MECR: variants seen among roughly 807,000 people sequenced by gnomAD.
MECR encodes the protein enoyl-[acyl-carrier-protein] reductase, mitochondrial.
A neutral mutation model predicts 49.1 loss-of-function variants in MECR; 37 were observed. The observed-to-expected ratio is 0.75, with a 90% CI of 0.58 to 0.99. The LOEUF (loss-of-function observed/expected upper bound fraction) is 0.99, where lower values mean the gene tolerates loss of function less well. MECR is among the 50% of genes least tolerant of loss of function. The probability of loss-of-function intolerance (pLI) is 0.00; values close to 1 mark genes in which losing one functional copy is unlikely to be tolerated. For synonymous variants in MECR, 198 were observed against 191.1 expected (o/e 1.04, Z -0.30); for missense variants, 470 against 479.6 (o/e 0.98, Z 0.19).
chr1:29,203,810 C>T (rs1233290666), intron 4 of MECR, among the ~76,000 whole-genome samples: 2 of 152,168 alleles, frequency 1.3e-5, no homozygotes, highest in Non-Finnish European at 2.9e-5. Context: ...AGGGTCATGC[C>T]CTATTCCTCT....
At chr1:29,202,150 G>A in intron 5 of MECR, 105 bp from the exon 6 acceptor site, 1 of 973,372 alleles carries the variant, frequency 1.0e-6, no homozygotes, top group East Asian at 2.4e-5. Flanking sequence ...TCTTTTTGCA[G>A]GAAGCTGGGA....
intron 1 of MECR, among the ~76,000 whole-genome samples, chr1:29,217,056 C>T (rs111748092): frequency 4.8e-5 from 6 of 124,360 alleles, no homozygotes; most frequent in African/African-American, 1.5e-4. Flanking sequence ...ATTGCTTCAA[C>T]GTGGGAGGCA....
chr1:29,209,302 T>C (rs929590471), intron 3 of MECR, among the ~76,000 whole-genome samples: 3 of 152,252 alleles, frequency 2.0e-5, no homozygotes, highest in African/African-American at 7.2e-5. Flanking sequence ...ACTCACTAGA[T>C]TGATTTCTCG....
At chr1:29,213,843 T>C (rs995660166) in intron 3 of MECR, among the ~76,000 whole-genome samples, 1 of 152,232 alleles carries the variant, frequency 6.6e-6, no homozygotes, top group Non-Finnish European at 1.5e-5. Context: ...TCTCATGTTG[T>C]GGGAACAATT....
chr1:29,197,394 T>C lies in MECR; in HGVS notation c.831-1136A>G, dbSNP rs1057212903. Among the ~76,000 whole-genome samples the C allele has an allele frequency of 5.9e-5, 9 of 152,282 alleles. No individual in the cohort carries two copies. The South Asian group carries it at 1.9e-3, about 32-fold the overall frequency. On this transcript the variant is annotated intron_variant, in intron 7 of 9. Transcript: ENST00000263702. ...GTGCAGGGAACAATGACAAGCATCTTCTCACTGCAGGAGGTGCCTTCTCAG... is the reference window on the plus strand; with the variant it reads ...GTGCAGGGAACAATGACAAGCATCTCCTCACTGCAGGAGGTGCCTTCTCAG...
chr1:29,226,162 C>T (rs1221557213), intron 1 of MECR, among the ~76,000 whole-genome samples: 1 of 102,216 alleles, frequency 9.8e-6, no homozygotes, highest in Admixed American at 1.2e-4. Context: ...GAGCCAGGCT[C>T]TATCTAAAAA....
At chr1:29,205,006 A>C (rs1390382565) in intron 4 of MECR, among the ~76,000 whole-genome samples, 1 of 152,158 alleles carries the variant, frequency 6.6e-6, no homozygotes, top group African/African-American at 2.4e-5. Flanking sequence ...CTGGTATGAG[A>C]GGTGGCTTGG....
In MECR at chr1:29,194,075, A is replaced by G; in HGVS notation, c.1069T>C (p.Leu357=). Residue 357 remains leucine, a synonymous_variant, in exon 10 of 10, where the codon TTG becomes CTG. Coordinates refer to ENST00000263702, the MANE Select transcript of MECR (RefSeq NM_016011.5). ...ATGAAGGGCTTCATGGAGGCTTCCA[A>G]GGCAGACTGGTAGTCCTGCAGCGGG... ...QVPLQDYQSA[L]EASMKPFISS... is the part of the protein sequence containing the mutation. The G allele has an allele frequency of 6.2e-7, 1 of 1,614,178 alleles. No individual in the cohort carries two copies. The highest frequency in any genetic ancestry group is 8.5e-7 in the Non-Finnish European group (1 of 1,180,042).
chr1:29,194,784 A>G (rs908095144), intron 9 of MECR, among the ~76,000 whole-genome samples: 2 of 152,170 alleles, frequency 1.3e-5, no homozygotes, highest in African/African-American at 2.4e-5. Context: ...TTCAGCCTTC[A>G]AATCTAGTCA....
Position 29,230,867 on chromosome 1 carries a change from C to A in MECR, c.40G>T (p.Ala14Ser), listed in dbSNP as rs750949885. Residue 14 changes from alanine to serine, a missense_variant, in exon 1 of 10, where the codon GCC becomes TCC. Physicochemically the swap from Ala to Ser is moderately conservative, Grantham distance 99. Transcript: ENST00000263702. ...CSTLWRVRTP[A>S]RQWRGLLPAS... ...GGGAGCAGCCCCCGCCACTGCCGGG[C>A]GGGGGTTCGCACCCGCCACAGGGTA... 1.9e-5 allele frequency: 30 copies of A among 1,596,116 alleles called. No individual in the cohort carries two copies. The highest frequency in any genetic ancestry group is 2.5e-5 in the Non-Finnish European group (29 of 1,171,132).
At chr1:29,224,509 C>T (rs921990600) in intron 1 of MECR, 1 of 152,192 alleles carries the variant, frequency 6.6e-6, no homozygotes, top group Non-Finnish European at 1.5e-5. Flanking sequence ...GGATTCACGT[C>T]TCATGATAAT....
intron 3 of MECR, among the ~76,000 whole-genome samples, chr1:29,211,088 GT>G (rs112758931): frequency 1.3e-4 from 19 of 144,130 alleles, no homozygotes; most frequent in African/African-American, 2.0e-4. Flanking sequence ...TAAATAAAGG[GT>G]TTTTTTTTTT....
chr1:29,196,360 C>T, intron 7 of MECR, 102 bp from the exon 8 acceptor site: 2 of 1,039,110 alleles, frequency 1.9e-6, no homozygotes, highest in South Asian at 3.2e-5. Flanking sequence ...CCTTTATAAA[C>T]CCTGCTCTCA....
At chr1:29,214,627 C>T (rs1318666606) in intron 3 of MECR, among the ~76,000 whole-genome samples, 1 of 152,142 alleles carries the variant, frequency 6.6e-6, no homozygotes, top group African/African-American at 2.4e-5. Context: ...TCCCAAAGTG[C>T]TGGGATTACA....
the MECR span, among the ~76,000 whole-genome samples, chr1:29,183,381 TTC>T: frequency 6.7e-5 from 10 of 148,318 alleles, no homozygotes; most frequent in African/African-American, 2.1e-4. Context: ...AACTTTGCAT[TTC>T]TCTCTCTCTC....
the MECR span, among the ~76,000 whole-genome samples, chr1:29,180,267 A>C: frequency 1.3e-5 from 2 of 152,132 alleles, no homozygotes; most frequent in African/African-American, 4.8e-5. Flanking sequence ...TGGAGTTTCA[A>C]CTTTCACATA....
rs754464193 is a variant in MECR at position 29,195,925 on chromosome 1, T to C, written c.964+16A>G. On this transcript the variant is annotated intron_variant, in intron 9 of 9. Transcript: ENST00000263702. ...TGCCCTCATCTGTGACTCTTGGCAC[T>C]GGGCCATGCACTCACCTGGACTGTG... 3 of 1,613,916 alleles carry C rather than the reference T, an allele frequency of 1.9e-6. No homozygotes were observed. The Admixed American group carries it at 5.0e-5, about 27-fold the overall frequency.
At chr1:29,183,529 T>C in the MECR span, among the ~76,000 whole-genome samples, 1 of 152,226 alleles carries the variant, frequency 6.6e-6, no homozygotes, top group Admixed American at 6.5e-5. Flanking sequence ...ATCAAACTTT[T>C]TGATCTTTGC....
intron 3 of MECR, among the ~76,000 whole-genome samples, chr1:29,213,777 T>C (rs148318043): frequency 0.011 from 1,679 of 152,372 alleles, 38 homozygotes; most frequent in African/African-American, 0.038. Flanking sequence ...CAGTTTACAG[T>C]TTTCTGCTGC....
Sources: gnomAD v4.1 joint callset for allele counts (sites outside exome capture counted in the v4.1 genomes callset) on GRCh38, gnomAD v4.1.1 for gene constraint, MANE v1.5 for transcripts, NCBI Gene and HGNC (gene_info 2026-07-23, HGNC 2026-07-21) for gene names.